The following TES variants were observed in gnomAD, a reference collection of about 807,000 sequenced individuals.
TES encodes testin LIM domain protein.
In TES, 41 loss-of-function variants were observed where a neutral mutation model predicts 48.2. That is an observed-to-expected ratio of 0.85 (90% CI 0.66 to 1.10). The LOEUF is 1.10. Among genes scored for constraint, TES ranks in the 50% least tolerant of loss-of-function variants. TES has a pLI of 0.00. For synonymous variants in TES, 162 were observed against 174.9 expected (o/e 0.93, Z 0.58); for missense variants, 463 against 515.1 (o/e 0.90, Z 0.98).
intron 4 of TES, chr7:116,251,431 C>A: frequency 3.7e-6 from 1 of 268,556 alleles, no homozygotes; most frequent in South Asian, 4.7e-5. Context: ...GCCTGTAATC[C>A]CAGCACTTTG....
rs117301136 is a variant in TES, at chr7:116,252,541, T to C, written c.1077+65T>C. ...TTAGGACTTGAGTTTATGCTTTTCTTAAAGCCTCTTACAAATGGGAAACAG... is the reference window on the plus strand; with the variant it reads ...TTAGGACTTGAGTTTATGCTTTTCTCAAAGCCTCTTACAAATGGGAAACAG... On this transcript the variant is annotated intron_variant, in intron 6 of 6. Coordinates refer to ENST00000358204, the MANE Select transcript of TES (RefSeq NM_015641.4). 1,792 of 1,608,570 alleles carry C rather than the reference T, an allele frequency of 1.1e-3. 28 individuals are homozygous for C. In the East Asian group the frequency reaches 0.032, roughly 29 times the overall value.
rs186776680 is a variant in TES at position 116,223,086 on chromosome 7, G to A, written c.28-11448G>A. ...TATAAAAATAATTTGATAGCAGTCCGTTTGAAAAATGTTTATAAGGAACCA... is the reference window on the plus strand; with the variant it reads ...TATAAAAATAATTTGATAGCAGTCCATTTGAAAAATGTTTATAAGGAACCA... On this transcript the variant is annotated intron_variant, in intron 1 of 6. Transcript: ENST00000358204. 5.3e-4 allele frequency: 408 copies of A among 775,548 alleles called. 4 individuals are homozygous for A. The highest frequency in any genetic ancestry group is 4.7e-4 in the African/African-American group (25 of 53,046). 48.0% of individuals were successfully genotyped at this position (775,548 alleles called of 1,614,324 possible). A position where few individuals can be genotyped will look rare whatever the true frequency, so the allele number is the denominator to read the frequency against.
intron 1 of TES, among the ~76,000 whole-genome samples, chr7:116,214,323 A>G (rs1338164317): frequency 1.3e-5 from 2 of 152,200 alleles, no homozygotes; most frequent in Non-Finnish European, 2.9e-5. Context: ...GATTATTTCC[A>G]TTGGAAATTA....
At chr7:116,237,841 T>TGG (rs998071399) in intron 2 of TES, 2 of 129,632 alleles carry the variant, frequency 1.5e-5, no homozygotes, top group East Asian at 3.0e-4. Flanking sequence ...TTGGTGTGTG[T>TGG]GGGTGTGTGT....
chr7:116,254,756 A>G (rs867805468), intron 6 of TES, among the ~76,000 whole-genome samples: 11,960 of 142,808 alleles, frequency 0.084, 506 homozygotes, highest in South Asian at 0.16. Context: ...AAATATATAT[A>G]TATGTGTGTG....
At chr7:116,227,282 AT>A (rs1367584338) in intron 1 of TES, among the ~76,000 whole-genome samples, 1 of 149,926 alleles carries the variant, frequency 6.7e-6, no homozygotes, top group Non-Finnish European at 1.5e-5. Flanking sequence ...GCGCCCGGCT[AT>A]TTTTTGTATT....
At chr7:116,216,530 A>C (rs987185519) in intron 1 of TES, among the ~76,000 whole-genome samples, 28 of 151,850 alleles carry the variant, frequency 1.8e-4, no homozygotes, top group Admixed American at 1.7e-3. Context: ...CGTGGGAAAT[A>C]ATATCAGTAG....
intron 2 of TES, among the ~76,000 whole-genome samples, chr7:116,242,636 T>G (rs977753913): frequency 7.2e-5 from 11 of 152,180 alleles, no homozygotes; most frequent in African/African-American, 2.2e-4. Context: ...CTAAAATCTA[T>G]AATTAATAAT....
Position 116,217,516 on chromosome 7 carries a change from T to G in TES, c.27+6782T>G, listed in dbSNP as rs185395351. On this transcript the variant is annotated intron_variant, in intron 1 of 6. Transcript: ENST00000358204. ...TTATGATTTTAAAAGAATTGTTTAT[T>G]AAATCATTAATATACAGGAAATTAT... is the stretch of plus-strand genomic sequence containing the variant. Among the ~76,000 whole-genome samples, 24 of 152,236 alleles carry G rather than the reference T, an allele frequency of 1.6e-4. No individual in the cohort carries two copies. The East Asian group carries it at 4.6e-3, about 29-fold the overall frequency.
At chr7:116,232,825 T>A (rs1176477012) in intron 1 of TES, among the ~76,000 whole-genome samples, 1 of 152,262 alleles carries the variant, frequency 6.6e-6, no homozygotes, top group African/African-American at 2.4e-5. Context: ...TGATAAAGCT[T>A]AGCTAATGCT....
chr7:116,228,239 T>G (rs972582131), intron 1 of TES, among the ~76,000 whole-genome samples: 9 of 152,186 alleles, frequency 5.9e-5, no homozygotes, highest in African/African-American at 2.2e-4. Flanking sequence ...TAAAGATACT[T>G]AAGACCTATT....
At chr7:116,233,063 G>A (rs1181742383) in intron 1 of TES, among the ~76,000 whole-genome samples, 3 of 152,174 alleles carry the variant, frequency 2.0e-5, no homozygotes, top group Admixed American at 6.5e-5. Context: ...TGATTGCATA[G>A]TGACAAACAC....
At chr7:116,250,600 G>A (rs995766008) in intron 4 of TES, 104 bp downstream of exon 4, 2 of 864,214 alleles carry the variant, frequency 2.3e-6, no homozygotes, top group Admixed American at 4.0e-5. Context: ...TTTCCAAAAG[G>A]GAATAAGTAT....
At chr7:116,254,754 A>ATGTGTG (rs562076686) in intron 6 of TES, among the ~76,000 whole-genome samples, 124 of 119,316 alleles carry the variant, frequency 1.0e-3, no homozygotes, top group South Asian at 2.2e-3. Flanking sequence ...AAAAATATAT[A>ATGTGTG]TATATGTGTG....
intron 1 of TES, among the ~76,000 whole-genome samples, chr7:116,233,601 G>C (rs1264954473): frequency 1.3e-5 from 2 of 152,164 alleles, no homozygotes; most frequent in Non-Finnish European, 2.9e-5. Flanking sequence ...TGCCTACTTT[G>C]TAAGCATTTT....
chr7:116,213,660 G>A (rs1307564807), intron 1 of TES, among the ~76,000 whole-genome samples: 3 of 152,194 alleles, frequency 2.0e-5, no homozygotes, highest in Non-Finnish European at 4.4e-5. Context: ...GCTATATTTT[G>A]TTTTGTTTGA....
intron 6 of TES, among the ~76,000 whole-genome samples, chr7:116,254,754 ATATATGTGTGTGTG>A (rs1800071304): frequency 3.4e-5 from 4 of 119,326 alleles, no homozygotes; most frequent in South Asian, 2.7e-4. Flanking sequence ...AAAAATATAT[ATATATGTGTGTGTG>A]TGTGTGTGTG....
In TES at chr7:116,216,098, C is replaced by T. The variant is rs975279103; in HGVS notation, c.27+5364C>T. Among the ~76,000 whole-genome samples the T allele has an allele frequency of 1.4e-4, 21 of 152,068 alleles. 1 individual carries two copies. The highest frequency in any genetic ancestry group is 1.9e-4 in the African/African-American group (8 of 41,384). ...CATCATAGACCATCAGTGTGCAACACGAGTTACCAAGAGGGGCTTTCTTAG... is the reference window on the plus strand; with the variant it reads ...CATCATAGACCATCAGTGTGCAACATGAGTTACCAAGAGGGGCTTTCTTAG... On this transcript the variant is annotated intron_variant, in intron 1 of 6. Coordinates refer to ENST00000358204, the MANE Select transcript of TES (RefSeq NM_015641.4).
chr7:116,221,401 G>A (rs1799556450), intron 1 of TES, among the ~76,000 whole-genome samples: 1 of 152,082 alleles, frequency 6.6e-6, no homozygotes, highest in African/African-American at 2.4e-5. Context: ...AGTTTCTGAG[G>A]TAAATTACAG....
Sources: allele counts gnomAD v4.1 joint callset (sites outside exome capture counted in the v4.1 genomes callset), GRCh38; gene constraint gnomAD v4.1.1; transcripts MANE v1.5; gene names NCBI Gene and HGNC (gene_info 2026-07-23, HGNC 2026-07-21).